Variants in GHR observed in about 807,000 individuals in gnomAD.
The protein encoded by GHR is GH receptor.
A neutral mutation model predicts 67.1 loss-of-function variants in GHR; 35 were observed. The observed-to-expected ratio is 0.52, with a 90% CI of 0.40 to 0.69. GHR has a LOEUF of 0.69. Among genes scored for constraint, GHR ranks in the 30% least tolerant of loss-of-function variants. GHR has a pLI of 0.00. For synonymous variants in GHR, 272 were observed against 269.1 expected (o/e 1.01, Z -0.10); for missense variants, 792 against 764.6 (o/e 1.04, Z -0.42).
intron 1 of GHR, among the ~76,000 whole-genome samples, chr5:42,533,793 C>A (rs1312302312): frequency 6.6e-6 from 1 of 151,788 alleles, no homozygotes; most frequent in South Asian, 2.1e-4. Context: ...GCAGTATACA[C>A]TGCACCATAT....
At chr5:42,627,349 T>G (rs1753754468) in intron 2 of GHR, among the ~76,000 whole-genome samples, 1 of 152,210 alleles carries the variant, frequency 6.6e-6, no homozygotes, top group Non-Finnish European at 1.5e-5. Flanking sequence ...AGACCAAAAG[T>G]AATTAAGACC....
chr5:42,499,855 C>G (rs934867698), intron 1 of GHR, among the ~76,000 whole-genome samples: 20 of 152,186 alleles, frequency 1.3e-4, no homozygotes, highest in African/African-American at 4.6e-4. Flanking sequence ...AGGTCACAAA[C>G]TTGGAAAGCC....
intron 1 of GHR, among the ~76,000 whole-genome samples, chr5:42,512,092 CA>C (rs1747043199): frequency 6.6e-6 from 1 of 152,032 alleles, no homozygotes; most frequent in South Asian, 2.1e-4. Flanking sequence ...TGTGTATGGT[CA>C]AAAAATAGGA....
At chr5:42,562,188 G>A (rs1192416442) in intron 1 of GHR, among the ~76,000 whole-genome samples, 1 of 152,084 alleles carries the variant, frequency 6.6e-6, no homozygotes, top group Admixed American at 6.5e-5. Context: ...TTCCATATGG[G>A]GCTCTGTGAA....
intron 1 of GHR, among the ~76,000 whole-genome samples, chr5:42,439,715 AT>A (rs1362935031): frequency 1.3e-5 from 2 of 152,218 alleles, no homozygotes; most frequent in Non-Finnish European, 2.9e-5. Flanking sequence ...CTTTTAAAAA[AT>A]ATGTGAAAGT....
chr5:42,604,976 A>T (rs1457332475), intron 2 of GHR, among the ~76,000 whole-genome samples: 1 of 151,082 alleles, frequency 6.6e-6, no homozygotes, highest in Non-Finnish European at 1.5e-5. Flanking sequence ...TTCCTTGACT[A>T]CCTAGAGCTT....
chr5:42,518,335 A>G (rs1190965488), intron 1 of GHR, among the ~76,000 whole-genome samples: 2 of 152,164 alleles, frequency 1.3e-5, no homozygotes, highest in African/African-American at 2.4e-5. Flanking sequence ...GCAACTCAAC[A>G]TGGTCTTCTT....
chr5:42,639,150 G>C (rs1275392225), intron 3 of GHR, among the ~76,000 whole-genome samples: 1 of 152,194 alleles, frequency 6.6e-6, no homozygotes, highest in Non-Finnish European at 1.5e-5. Flanking sequence ...GACTGTCTGA[G>C]ACGTGTCATC....
chr5:42,621,802 T>C (rs1753460645), intron 2 of GHR, among the ~76,000 whole-genome samples: 1 of 152,198 alleles, frequency 6.6e-6, no homozygotes, highest in African/African-American at 2.4e-5. Flanking sequence ...CTCTAGCTCA[T>C]GTAATATGCT....
chr5:42,438,248 G>T, intron 1 of GHR, among the ~76,000 whole-genome samples: 1 of 152,158 alleles, frequency 6.6e-6, no homozygotes, highest in East Asian at 1.9e-4. Context: ...GATGTAGGGA[G>T]GTTAAATAAT....
intron 1 of GHR, among the ~76,000 whole-genome samples, chr5:42,481,703 G>C (rs1204949879): frequency 6.6e-6 from 1 of 152,088 alleles, no homozygotes; most frequent in South Asian, 2.1e-4. Flanking sequence ...CATTTGTCAC[G>C]TAATTCTCGT....
intron 7 of GHR, among the ~76,000 whole-genome samples, chr5:42,712,256 C>A (rs1758498997): frequency 6.6e-6 from 1 of 151,990 alleles, no homozygotes; most frequent in Admixed American, 6.6e-5. Context: ...TTCTATAGCA[C>A]CATTTTCTCT....
chr5:42,434,154 G>A (rs1001692233), intron 1 of GHR, among the ~76,000 whole-genome samples: 1 of 152,032 alleles, frequency 6.6e-6, no homozygotes, highest in African/African-American at 2.4e-5. Context: ...CTTTACAATG[G>A]CAGAGCTGAC....
chr5:42,590,511 A>G (rs1376264583), intron 2 of GHR, among the ~76,000 whole-genome samples: 1 of 152,186 alleles, frequency 6.6e-6, no homozygotes, highest in Non-Finnish European at 1.5e-5. Flanking sequence ...AATCAAGAAA[A>G]TGGAAACACC....
At chr5:42,513,141 G>A (rs187762349) in intron 1 of GHR, among the ~76,000 whole-genome samples, 27 of 152,344 alleles carry the variant, frequency 1.8e-4, no homozygotes, top group Admixed American at 1.3e-3. Flanking sequence ...AATCTCAGTT[G>A]ATTGAGCAAA....
At chr5:42,647,231 T>G (rs1335123313) in intron 3 of GHR, among the ~76,000 whole-genome samples, 1 of 152,054 alleles carries the variant, frequency 6.6e-6, no homozygotes, top group African/African-American at 2.4e-5. Context: ...TCAATATGAA[T>G]AAAATTGATT....
chr5:42,559,176 A>G (rs1444024327), intron 1 of GHR, among the ~76,000 whole-genome samples: 1 of 152,228 alleles, frequency 6.6e-6, no homozygotes, highest in Non-Finnish European at 1.5e-5. Flanking sequence ...TAAGTGCTCA[A>G]TAGCCACATG....
chr5:42,539,654 T>C (rs1460544716), intron 1 of GHR, among the ~76,000 whole-genome samples: 2 of 152,230 alleles, frequency 1.3e-5, no homozygotes, highest in South Asian at 2.1e-4. Flanking sequence ...AGATCTATTT[T>C]TTGACAGTCT....
chr5:42,478,972 AG>A (rs1318569311), intron 1 of GHR, among the ~76,000 whole-genome samples: 1 of 152,200 alleles, frequency 6.6e-6, no homozygotes, highest in East Asian at 1.9e-4. Context: ...CCGTTTTCAA[AG>A]GGAATGTTTC....
Sources: allele counts gnomAD v4.1 joint callset (sites outside exome capture counted in the v4.1 genomes callset), GRCh38; gene constraint gnomAD v4.1.1; transcripts MANE v1.5; gene names NCBI Gene and HGNC (gene_info 2026-07-23, HGNC 2026-07-21).